GALNTL6: variants seen among roughly 807,000 people sequenced by gnomAD.
GALNTL6 encodes polypeptide N-acetylgalactosaminyltransferase like 6.
Under a neutral mutation model 73.7 loss-of-function variants are expected in GALNTL6, and 46 were observed. The ratio of observed to expected loss-of-function variants is 0.62; its 90% CI spans 0.49 to 0.80. The LOEUF is 0.80. Ranked by LOEUF, GALNTL6 falls within the 30% of genes least tolerant of loss-of-function variation. GALNTL6 has a pLI of 0.00. For missense variants in GALNTL6, 604 were observed against 755.0 expected, an observed-to-expected ratio of 0.80 and a Z score of 2.34; for synonymous variants, 259 against 263.7, an observed-to-expected ratio of 0.98 and a Z score of 0.17.
intron 2 of GALNTL6, among the ~76,000 whole-genome samples, chr4:172,106,443 C>T (rs183201045): frequency 1.3e-4 from 20 of 152,188 alleles, no homozygotes. Flanking sequence ...ATAAACATGT[C>T]CATCAGATTG....
chr4:172,398,038 G>C (rs570883752), intron 5 of GALNTL6, among the ~76,000 whole-genome samples: 6 of 151,990 alleles, frequency 3.9e-5, no homozygotes, highest in Admixed American at 2.0e-4. Flanking sequence ...CCAACCATCA[G>C]GCAATTGTCT....
chr4:172,414,703 C>CTT (rs1198160361), intron 5 of GALNTL6, among the ~76,000 whole-genome samples: 1 of 152,074 alleles, frequency 6.6e-6, no homozygotes, highest in Non-Finnish European at 1.5e-5. Flanking sequence ...ATCTTTGTGT[C>CTT]TTTGTTATCT....
At chr4:172,182,406 C>T (rs1045252152) in intron 2 of GALNTL6, among the ~76,000 whole-genome samples, 1 of 151,996 alleles carries the variant, frequency 6.6e-6, no homozygotes, top group African/African-American at 2.4e-5. Flanking sequence ...GCTGCTTCAA[C>T]TTAAGCCACA....
chr4:171,944,997 G>A (rs1418631587), intron 2 of GALNTL6, among the ~76,000 whole-genome samples: 1 of 151,984 alleles, frequency 6.6e-6, no homozygotes, highest in African/African-American at 2.4e-5. Context: ...GAAAATATTA[G>A]TGGCAGGACA....
At chr4:172,024,403 G>A (rs879668999) in intron 2 of GALNTL6, among the ~76,000 whole-genome samples, 4 of 151,528 alleles carry the variant, frequency 2.6e-5, no homozygotes, top group Non-Finnish European at 5.9e-5. Flanking sequence ...AATTTAATTA[G>A]CATTTTTTCT....
At chr4:172,626,275 G>T (rs1030005317) in intron 5 of GALNTL6, among the ~76,000 whole-genome samples, 3 of 152,170 alleles carry the variant, frequency 2.0e-5, no homozygotes, top group African/African-American at 7.2e-5. Context: ...TGAATAGAAA[G>T]TCCTTTCCAC....
At chr4:171,895,721 C>T (rs1736892754) in intron 2 of GALNTL6, among the ~76,000 whole-genome samples, 2 of 151,868 alleles carry the variant, frequency 1.3e-5, no homozygotes, top group African/African-American at 4.8e-5. Context: ...GAAAGTGAAG[C>T]CATTTCTGCA....
chr4:172,028,042 G>C (rs1393930464), intron 2 of GALNTL6, among the ~76,000 whole-genome samples: 1 of 152,098 alleles, frequency 6.6e-6, no homozygotes, highest in African/African-American at 2.4e-5. Flanking sequence ...TAGAATAATT[G>C]ATGAAGGTGG....
At chr4:172,487,214 C>A (rs1733701276) in intron 5 of GALNTL6, among the ~76,000 whole-genome samples, 2 of 117,034 alleles carry the variant, frequency 1.7e-5, no homozygotes, top group Non-Finnish European at 3.9e-5. Flanking sequence ...CTTTCTTTCT[C>A]CTTCCTTCCT....
chr4:172,429,800 T>G (rs961582159), intron 5 of GALNTL6, among the ~76,000 whole-genome samples: 2 of 152,162 alleles, frequency 1.3e-5, no homozygotes, highest in African/African-American at 4.8e-5. Flanking sequence ...GTATAATCTA[T>G]AGTAATACAC....
intron 5 of GALNTL6, among the ~76,000 whole-genome samples, chr4:172,659,945 A>G (rs769602770): frequency 6.6e-6 from 1 of 152,190 alleles, no homozygotes; most frequent in African/African-American, 2.4e-5. Context: ...CTTACTATGT[A>G]TCTTCTACTG....
chr4:172,550,133 T>G (rs143903264), intron 5 of GALNTL6, among the ~76,000 whole-genome samples: 36 of 152,286 alleles, frequency 2.4e-4, no homozygotes, highest in African/African-American at 8.4e-4. Context: ...CATATATACA[T>G]ATATAGTTGT....
chr4:171,822,011 G>T (rs1398746628), intron 2 of GALNTL6, among the ~76,000 whole-genome samples: 1 of 151,780 alleles, frequency 6.6e-6, no homozygotes, highest in African/African-American at 2.4e-5. Context: ...AAAAAGAAAA[G>T]AAAAAAGGCA....
At chr4:172,110,734 G>A (rs1233281865) in intron 2 of GALNTL6, among the ~76,000 whole-genome samples, 1 of 152,118 alleles carries the variant, frequency 6.6e-6, no homozygotes, top group Non-Finnish European at 1.5e-5. Context: ...TTTGCTGATT[G>A]CTGCATACCT....
chr4:172,333,355 A>G (rs985665739), intron 4 of GALNTL6, among the ~76,000 whole-genome samples: 3 of 152,220 alleles, frequency 2.0e-5, no homozygotes, highest in African/African-American at 7.2e-5. Flanking sequence ...CAGTGAGCCG[A>G]GATCGTGCAA....
chr4:172,969,020 T>C (rs371504812), intron 10 of GALNTL6, among the ~76,000 whole-genome samples: 1 of 152,124 alleles, frequency 6.6e-6, no homozygotes, highest in South Asian at 2.1e-4. Flanking sequence ...AACTACAACA[T>C]TAGATTTCAA....
chr4:172,583,337 T>G (rs889893252), intron 5 of GALNTL6, among the ~76,000 whole-genome samples: 1 of 152,218 alleles, frequency 6.6e-6, no homozygotes, highest in Non-Finnish European at 1.5e-5. Context: ...TATATTTCCC[T>G]TTGTTAACAG....
At chr4:172,038,200 C>T (rs1424450046) in intron 2 of GALNTL6, among the ~76,000 whole-genome samples, 1 of 151,770 alleles carries the variant, frequency 6.6e-6, no homozygotes, top group African/African-American at 2.4e-5. Context: ...AAATTCTATG[C>T]ATCTCCCTTG....
At chr4:172,076,413 A>G (rs753070617) in intron 2 of GALNTL6, among the ~76,000 whole-genome samples, 4 of 152,226 alleles carry the variant, frequency 2.6e-5, no homozygotes, top group East Asian at 3.8e-4. Context: ...CATTCTTTCA[A>G]TTTTATAATG....
Sources: gnomAD v4.1 joint callset for allele counts (sites outside exome capture counted in the v4.1 genomes callset) on GRCh38, gnomAD v4.1.1 for gene constraint, MANE v1.5 for transcripts, NCBI Gene and HGNC (gene_info 2026-07-23, HGNC 2026-07-21) for gene names.